Variants in RNLS observed in about 807,000 individuals in gnomAD.
RNLS encodes renalase, FAD dependent amine oxidase.
In RNLS, 39 loss-of-function variants were observed where a neutral mutation model predicts 39.8. The observed-to-expected ratio is 0.98, with a 90% CI of 0.76 to 1.28. The LOEUF (loss-of-function observed/expected upper bound fraction) is 1.28. Ranked by LOEUF, RNLS falls within the 50% of genes most tolerant of loss-of-function variation. RNLS has a pLI of 0.00. For synonymous variants in RNLS, 147 were observed against 150.7 expected (o/e 0.98, Z 0.18); for missense variants, 410 against 413.3 (o/e 0.99, Z 0.07).
chr10:88,182,698 T>A, the RNLS span, among the ~76,000 whole-genome samples: 1,811 of 152,062 alleles, frequency 0.012, 24 homozygotes, highest in African/African-American at 0.034. Flanking sequence ...TGTGTGTGTG[T>A]GAGAGAGTGA....
At chr10:88,194,901 A>G in the RNLS span, among the ~76,000 whole-genome samples, 5 of 152,234 alleles carry the variant, frequency 3.3e-5, no homozygotes, top group Non-Finnish European at 7.3e-5. Context: ...AATAAAAAGT[A>G]CTGTATCTTA....
At chr10:88,231,488 G>A in the RNLS span, among the ~76,000 whole-genome samples, 16 of 152,252 alleles carry the variant, frequency 1.1e-4, no homozygotes, top group African/African-American at 2.6e-4. Flanking sequence ...CCTTGGAAAC[G>A]TATACACTTT....
intron 4 of RNLS, among the ~76,000 whole-genome samples, chr10:88,379,438 T>TTTC (rs1697937278): frequency 6.6e-6 from 1 of 152,178 alleles, no homozygotes; most frequent in African/African-American, 2.4e-5. Context: ...ATGATTTTTT[T>TTTC]TTTCTTTCTT....
chr10:88,474,941 A>C (rs906770046), intron 4 of RNLS, among the ~76,000 whole-genome samples: 2 of 152,154 alleles, frequency 1.3e-5, no homozygotes, highest in African/African-American at 4.8e-5. Context: ...GAAGTTTTAC[A>C]AAAACAGGAT....
chr10:88,496,995 A>G (rs1489654335), intron 4 of RNLS, among the ~76,000 whole-genome samples: 1 of 152,092 alleles, frequency 6.6e-6, no homozygotes, highest in Non-Finnish European at 1.5e-5. Flanking sequence ...TGGGAAACAT[A>G]TTAAAATGAA....
At chr10:88,417,701 G>A (rs1854122330) in intron 4 of RNLS, among the ~76,000 whole-genome samples, 1 of 152,156 alleles carries the variant, frequency 6.6e-6, no homozygotes, top group South Asian at 2.1e-4. Flanking sequence ...AAGGACTTTA[G>A]CCATAACTTC....
downstream of RNLS, among the ~76,000 whole-genome samples, chr10:88,280,418 G>A (rs1225548771): frequency 1.3e-5 from 2 of 152,150 alleles, no homozygotes; most frequent in Admixed American, 6.6e-5. Context: ...AGGAACAATG[G>A]ACCAGACGTG....
intron 4 of RNLS, among the ~76,000 whole-genome samples, chr10:88,459,952 G>T (rs962493849): frequency 6.6e-6 from 1 of 152,092 alleles, no homozygotes; most frequent in Non-Finnish European, 1.5e-5. Flanking sequence ...GACACTTTCT[G>T]GTGTCTTTTA....
chr10:88,455,128 T>C (rs1172275754), intron 4 of RNLS, among the ~76,000 whole-genome samples: 1 of 152,122 alleles, frequency 6.6e-6, no homozygotes, highest in Non-Finnish European at 1.5e-5. Flanking sequence ...GTGAGAGTAG[T>C]ATGTACTAAG....
At chr10:88,281,994 G>A (rs899674149), downstream of RNLS, among the ~76,000 whole-genome samples, 54 of 152,206 alleles carry the variant, frequency 3.5e-4, no homozygotes, top group African/African-American at 1.3e-3. Flanking sequence ...AAGGATGAAC[G>A]CACGGTGAGT....
chr10:88,235,190 C>T, the RNLS span, among the ~76,000 whole-genome samples: 3 of 140,668 alleles, frequency 2.1e-5, no homozygotes, highest in Non-Finnish European at 4.6e-5. Context: ...ATGGCGTGAA[C>T]GCGGGAGGTG....
chr10:88,443,754 T>A (rs2133861081), intron 4 of RNLS, among the ~76,000 whole-genome samples: 1 of 152,280 alleles, frequency 6.6e-6, no homozygotes, highest in East Asian at 1.9e-4. Flanking sequence ...CCAACTGCAA[T>A]GCGGCAGTGA....
intron 4 of RNLS, among the ~76,000 whole-genome samples, chr10:88,471,805 A>G (rs1169043): frequency 0.3 from 45,347 of 152,004 alleles, 8,189 homozygotes; most frequent in East Asian, 0.46. Flanking sequence ...TCTCCCAGCA[A>G]CAATGTATGA....
chr10:88,244,691 C>A, the RNLS span, among the ~76,000 whole-genome samples: 4 of 126,432 alleles, frequency 3.2e-5, no homozygotes, highest in Admixed American at 3.3e-4. Flanking sequence ...GGTTTTCATG[C>A]TTTTTTTTTT....
At chr10:88,246,802 T>G in the RNLS span, among the ~76,000 whole-genome samples, 3 of 152,150 alleles carry the variant, frequency 2.0e-5, no homozygotes, top group African/African-American at 7.2e-5. Flanking sequence ...CACCCAGCGT[T>G]CCCTCTGATG....
chr10:88,265,705 T>C, the RNLS span, among the ~76,000 whole-genome samples: 3 of 152,232 alleles, frequency 2.0e-5, no homozygotes, highest in Admixed American at 6.5e-5. Flanking sequence ...TAATTTTGTA[T>C]CCTCTAACTT....
chr10:88,300,841 A>T lies in RNLS; in HGVS notation c.876+13625T>A, dbSNP rs146501721. Among the ~76,000 whole-genome samples the T allele has an allele frequency of 2.8e-3, 430 of 152,260 alleles. 2 individuals carry two copies. Among genetic ancestry groups the T allele is most frequent in the African/African-American group, 8.8e-3 (367 of 41,582 alleles). ...GACTACTAAACTTTTTTTGTTTGTT[A>T]GTTTTATAGCATAATACTGATGTTT... On this transcript the variant is annotated intron_variant, in intron 6 of 6. Coordinates refer to ENST00000331772, the MANE Select transcript of RNLS (RefSeq NM_001031709.3).
intron 4 of RNLS, among the ~76,000 whole-genome samples, chr10:88,394,421 C>G (rs1431914535): frequency 1.3e-5 from 2 of 152,128 alleles, no homozygotes; most frequent in East Asian, 3.8e-4. Flanking sequence ...GACATTAATG[C>G]AGCCAAAAAA....
intron 4 of RNLS, among the ~76,000 whole-genome samples, chr10:88,496,644 C>T (rs1263646376): frequency 6.6e-6 from 1 of 152,126 alleles, no homozygotes; most frequent in Non-Finnish European, 1.5e-5. Flanking sequence ...CCCACCCCAT[C>T]CCCACATGCA....
Sources: allele counts gnomAD v4.1 joint callset (sites outside exome capture counted in the v4.1 genomes callset), GRCh38; gene constraint gnomAD v4.1.1; transcripts MANE v1.5; gene names NCBI Gene and HGNC (gene_info 2026-07-23, HGNC 2026-07-21).